Variants in ATP6V0D2 observed in about 807,000 individuals in gnomAD.
The protein encoded by ATP6V0D2 is ATPase H+ transporting V0 subunit d2, also known as V-type proton ATPase subunit d 2.
ATP6V0D2 carries 40 observed loss-of-function variants against 40.0 expected under a neutral mutation model. The ratio of observed to expected loss-of-function variants is 1.00; its 90% CI spans 0.78 to 1.30. ATP6V0D2 has a LOEUF of 1.30. ATP6V0D2 is among the 50% of genes most tolerant of loss of function. ATP6V0D2 has a pLI of 0.00. For synonymous variants in ATP6V0D2, 179 were observed against 156.3 expected (o/e 1.15, Z -1.08); for missense variants, 470 against 423.1 (o/e 1.11, Z -0.97).
intron 6 of ATP6V0D2, among the ~76,000 whole-genome samples, chr8:86,150,908 T>G (rs1351181168): frequency 6.6e-6 from 1 of 152,154 alleles, no homozygotes; most frequent in Non-Finnish European, 1.5e-5. Flanking sequence ...TCCAGGTAAC[T>G]TTTCCAGGGC....
chr8:86,138,311 C>T (rs149718436), intron 2 of ATP6V0D2, among the ~76,000 whole-genome samples: 14 of 152,334 alleles, frequency 9.2e-5, no homozygotes, highest in African/African-American at 2.2e-4. Context: ...ACTGGTTTAG[C>T]GTCCAGCTAT....
chr8:86,125,926 A>G (rs1818735676), intron 2 of ATP6V0D2, among the ~76,000 whole-genome samples: 1 of 149,776 alleles, frequency 6.7e-6, no homozygotes, highest in Non-Finnish European at 1.5e-5. Context: ...TTATTTACTT[A>G]ATTTAATTCA....
At chr8:86,127,147 T>C (rs1298946903) in intron 2 of ATP6V0D2, among the ~76,000 whole-genome samples, 1 of 152,132 alleles carries the variant, frequency 6.6e-6, no homozygotes, top group Non-Finnish European at 1.5e-5. Flanking sequence ...AATGTGAAAT[T>C]TTAAGAGAGA....
At position 86,113,744 on chromosome 8, in the gene ATP6V0D2, A is replaced by T. The variant is rs562252618; in HGVS notation, c.166A>T (p.Asn56Tyr). The change falls in exon 2 of 8, where the codon AAC becomes TAC. Residue 56 changes from asparagine (N) to tyrosine (Y), a missense_variant. Physicochemically the swap from Asn to Tyr is moderately radical, Grantham distance 143. Transcript: ENST00000285393. ...KIHLQTTDYG[N>Y]FLANHTNPLT... ...TCATCTCCAGACTACTGATTATGGT[A>T]ACTTTTTGGCTAATCACACAAATCC... 6.2e-7 allele frequency: 1 copy of T among 1,612,864 alleles called. No individual in the cohort carries two copies. The highest frequency in any genetic ancestry group is 8.5e-7 in the Non-Finnish European group (1 of 1,179,348).
intron 2 of ATP6V0D2, among the ~76,000 whole-genome samples, chr8:86,138,578 A>G (rs1279651366): frequency 6.6e-6 from 1 of 152,210 alleles, no homozygotes; most frequent in Non-Finnish European, 1.5e-5. Context: ...TGATTAAAAT[A>G]TGAATTAATA....
chr8:86,144,184 C>G (rs1008384106), intron 5 of ATP6V0D2, among the ~76,000 whole-genome samples: 2 of 152,150 alleles, frequency 1.3e-5, no homozygotes, highest in African/African-American at 2.4e-5. Context: ...GAATGTTGAC[C>G]TGCATATGCA....
At chr8:86,116,614 C>T (rs1818594396) in intron 2 of ATP6V0D2, among the ~76,000 whole-genome samples, 1 of 151,956 alleles carries the variant, frequency 6.6e-6, no homozygotes, top group African/African-American at 2.4e-5. Context: ...TTTCCGCTTA[C>T]AAAAAAATTT....
Position 86,141,447 on chromosome 8 carries a change from C to T in ATP6V0D2, c.482-3C>T, listed in dbSNP as rs374712076. 1.2e-5 allele frequency: 19 copies of T among 1,608,230 alleles called. No individual in the cohort carries two copies. Among genetic ancestry groups the T allele is most frequent in the Non-Finnish European group, 5.1e-6 (6 of 1,177,218 alleles). On this transcript the variant is annotated splice_polypyrimidine_tract_variant and splice_region_variant and intron_variant, in intron 3 of 7. Coordinates refer to ENST00000285393, the MANE Select transcript of ATP6V0D2 (RefSeq NM_152565.1). ...TTTTTGGTATGGCAATTTCTGCTTT[C>T]AGCTCCATTCTTCCAAGACTGCATG...
At chr8:86,132,311 CTT>C (rs1343556892) in intron 2 of ATP6V0D2, among the ~76,000 whole-genome samples, 1 of 151,926 alleles carries the variant, frequency 6.6e-6, no homozygotes, top group African/African-American at 2.4e-5. Flanking sequence ...GAGTCTATGA[CTT>C]TGAGTATTTG....
chr8:86,113,595 A>G, intron 1 of ATP6V0D2, 114 bp from the exon 2 acceptor site: 1 of 877,160 alleles, frequency 1.1e-6, no homozygotes, highest in South Asian at 2.0e-5. Flanking sequence ...TTAAAATCTA[A>G]TAAGATAATA....
intron 2 of ATP6V0D2, among the ~76,000 whole-genome samples, chr8:86,124,154 A>G (rs1818709706): frequency 6.6e-6 from 1 of 152,168 alleles, no homozygotes; most frequent in African/African-American, 2.4e-5. Context: ...TCAGAGATTC[A>G]ATGGGAATAG....
intron 2 of ATP6V0D2, among the ~76,000 whole-genome samples, chr8:86,129,866 A>T (rs1563561542): frequency 3.4e-5 from 5 of 146,316 alleles, no homozygotes; most frequent in Admixed American, 1.4e-4. Flanking sequence ...AGCCGCAGTT[A>T]CTCTGGAGGC....
At chr8:86,127,275 C>CA (rs1335335996) in intron 2 of ATP6V0D2, among the ~76,000 whole-genome samples, 1 of 151,964 alleles carries the variant, frequency 6.6e-6, no homozygotes, top group African/African-American at 2.4e-5. Context: ...CACAGTATAA[C>CA]AAAAAATGTT....
At chr8:86,145,314 G>A (rs1173695530) in intron 5 of ATP6V0D2, among the ~76,000 whole-genome samples, 1 of 39,278 alleles carries the variant, frequency 2.5e-5, no homozygotes, top group Non-Finnish European at 4.7e-5. Context: ...AGAAAGAAAA[G>A]AAAGAAGGAA....
At chr8:86,145,312 A>AG (rs1819048039) in intron 5 of ATP6V0D2, among the ~76,000 whole-genome samples, 25 of 73,102 alleles carry the variant, frequency 3.4e-4, no homozygotes, top group Non-Finnish European at 5.5e-4. Flanking sequence ...AAAGAAAGAA[A>AG]AGAAAGAAGG....
At chr8:86,142,239 A>G (rs1338813861) in intron 4 of ATP6V0D2, among the ~76,000 whole-genome samples, 1 of 152,228 alleles carries the variant, frequency 6.6e-6, no homozygotes, top group Non-Finnish European at 1.5e-5. Context: ...TTATGGGCCT[A>G]GAGGAGGCAT....
chr8:86,101,005 G>T (rs1818389067), intron 1 of ATP6V0D2, among the ~76,000 whole-genome samples: 1 of 151,890 alleles, frequency 6.6e-6, no homozygotes, highest in Admixed American at 6.6e-5. Flanking sequence ...AAGTTAGTTG[G>T]ATGTGGTGGC....
chr8:86,142,478 T>C (rs1586101835), intron 4 of ATP6V0D2, among the ~76,000 whole-genome samples: 1 of 152,184 alleles, frequency 6.6e-6, no homozygotes, highest in Non-Finnish European at 1.5e-5. Flanking sequence ...TATAGCTCCA[T>C]GCTCAAAGCC....
At chr8:86,128,243 G>A (rs1000069317) in intron 2 of ATP6V0D2, among the ~76,000 whole-genome samples, 1 of 152,192 alleles carries the variant, frequency 6.6e-6, no homozygotes, top group Non-Finnish European at 1.5e-5. Context: ...CAGCTACTCA[G>A]GAGGCTGAGG....
Sources: gnomAD v4.1 joint callset for allele counts (sites outside exome capture counted in the v4.1 genomes callset) on GRCh38, gnomAD v4.1.1 for gene constraint, MANE v1.5 for transcripts, NCBI Gene and HGNC (gene_info 2026-07-23, HGNC 2026-07-21) for gene names.